STK39: variants seen among roughly 807,000 people sequenced by gnomAD.
The protein encoded by STK39 is STE20/SPS1-related proline-alanine-rich protein kinase.
Under a neutral mutation model 77.8 loss-of-function variants are expected in STK39, and 20 were observed. That is an observed-to-expected ratio of 0.26 (90% CI 0.18 to 0.37). The LOEUF (loss-of-function observed/expected upper bound fraction) is 0.37, where lower values mean the gene tolerates loss of function less well. Among genes scored for constraint, STK39 ranks in the 10% least tolerant of loss-of-function variants. The pLI is 1.00. For synonymous variants in STK39, 246 were observed against 234.1 expected (o/e 1.05, Z -0.47); for missense variants, 479 against 656.5 (o/e 0.73, Z 2.95).
At chr2:167,994,329 C>A (rs61517025) in intron 16 of STK39, among the ~76,000 whole-genome samples, 3 of 151,500 alleles carry the variant, frequency 2.0e-5, no homozygotes, top group Admixed American at 6.6e-5. Context: ...ATGTAGTTAC[C>A]AGTGAAAAAG....
intron 10 of STK39, among the ~76,000 whole-genome samples, chr2:168,090,951 C>T (rs1441729788): frequency 5.9e-5 from 9 of 152,120 alleles, no homozygotes. Flanking sequence ...AATGACAGAG[C>T]TGATGATCAA....
intron 14 of STK39, among the ~76,000 whole-genome samples, chr2:168,053,995 G>A (rs1290531580): frequency 6.6e-6 from 1 of 152,182 alleles, no homozygotes; most frequent in Middle Eastern, 3.2e-3. Flanking sequence ...GACAGTGCTT[G>A]AAAAATTATT....
intron 1 of STK39, chr2:168,232,001 GC>G (rs1690468340): frequency 4.1e-6 from 1 of 241,018 alleles, no homozygotes; most frequent in Non-Finnish European, 9.3e-6. Flanking sequence ...ATCTTTGGCA[GC>G]CATCTCTATT....
In STK39 at chr2:168,129,549, C is replaced by G. The variant is rs1426461901; in HGVS notation, c.1081G>C (p.Ala361Pro). The G allele has an allele frequency of 6.2e-7, 1 of 1,613,990 alleles. No homozygotes were observed. The highest frequency in any genetic ancestry group is 8.5e-7 in the Non-Finnish European group (1 of 1,179,932). The change falls in exon 10 of 18, where the codon GCC becomes CCC. Residue 361 changes from alanine to proline, a missense_variant. By Grantham distance (27) the Ala-to-Pro change is conservative (BLOSUM62 -1). Around this residue, in one of 3 missense-constraint regions of STK39, gnomAD observed 244 missense variants for 296.8 expected, o/e 0.82. Transcript: ENST00000355999. ...AGGCTAATGGCACTTACCTTTTTGG[C>G]TCTTTGGGCTATGTCTGGTGTTCTT... is the stretch of plus-strand genomic sequence containing the variant. ...LTRTPDIAQR[A>P]KKVRRVPGSS...
rs972115972 is a variant in STK39, at chr2:168,106,041, C to A, written c.1089+23500G>T. Among the ~76,000 whole-genome samples the A allele has an allele frequency of 8.3e-4, 127 of 152,328 alleles. 1 individual carries two copies. The highest frequency in any genetic ancestry group is 2.9e-3 in the African/African-American group (120 of 41,566). On this transcript the variant is annotated intron_variant, in intron 10 of 17. Transcript: ENST00000355999. ...GCAGTGGCGCAATCTCAGCTCACTG[C>A]AAACTCCGCCTCCCAGATGCAAATG...
intron 10 of STK39, among the ~76,000 whole-genome samples, chr2:168,093,350 C>T (rs1373363348): frequency 1.3e-5 from 2 of 152,204 alleles, no homozygotes; most frequent in Non-Finnish European, 2.9e-5. Context: ...GGAGGCCTCA[C>T]AATCATGGCA....
chr2:167,995,383 C>A (rs1320770863), intron 16 of STK39, among the ~76,000 whole-genome samples: 1 of 152,192 alleles, frequency 6.6e-6, no homozygotes, highest in Non-Finnish European at 1.5e-5. Flanking sequence ...GCTGGGATTA[C>A]AGGCGTGAGC....
intron 1 of STK39, among the ~76,000 whole-genome samples, chr2:168,210,458 C>T (rs564150822): frequency 1.3e-5 from 2 of 152,270 alleles, no homozygotes; most frequent in South Asian, 4.1e-4. Context: ...GTTACTGGAT[C>T]ATACAAGCTG....
chr2:168,091,705 T>C (rs1228401969), intron 10 of STK39, among the ~76,000 whole-genome samples: 7 of 152,154 alleles, frequency 4.6e-5, no homozygotes, highest in Non-Finnish European at 1.0e-4. Context: ...TTAATGAAAA[T>C]GTTCATAAAT....
chr2:168,239,463 G>A (rs1484566322), intron 1 of STK39, among the ~76,000 whole-genome samples: 1 of 152,212 alleles, frequency 6.6e-6, no homozygotes, highest in Non-Finnish European at 1.5e-5. Context: ...AACACAGGCA[G>A]GTGGACGCAC....
At chr2:168,240,379 T>C (rs1307313692) in intron 1 of STK39, among the ~76,000 whole-genome samples, 2 of 152,222 alleles carry the variant, frequency 1.3e-5, no homozygotes, top group East Asian at 1.9e-4. Context: ...CAATGCACAC[T>C]ACAGCCAGAA....
chr2:167,994,078 C>T lies in STK39; in HGVS notation c.1498+18556G>A, dbSNP rs1380517314. Among the ~76,000 whole-genome samples, 6 of 152,138 alleles carry T rather than the reference C, an allele frequency of 3.9e-5. No individual in the cohort carries two copies. In the South Asian group the frequency reaches 1.0e-3, roughly 26 times the overall value. On this transcript the variant is annotated intron_variant, in intron 16 of 17. Coordinates refer to ENST00000355999, the MANE Select transcript of STK39 (RefSeq NM_013233.3). ...ATTCTGGAATACAGTCTTATACCAA[C>T]CAGTGAACAGTTTAAGTAATGTAAA...
chr2:168,164,557 C>T (rs1457162584), intron 3 of STK39, among the ~76,000 whole-genome samples: 1 of 152,154 alleles, frequency 6.6e-6, no homozygotes, highest in Non-Finnish European at 1.5e-5. Context: ...CAAGTACGTG[C>T]CACCACGCCT....
intron 10 of STK39, among the ~76,000 whole-genome samples, chr2:168,125,764 T>C (rs553772031): frequency 6.6e-6 from 1 of 152,346 alleles, no homozygotes; most frequent in East Asian, 1.9e-4. Flanking sequence ...GCCATGTCGA[T>C]CTTTTTCCAT....
At chr2:168,231,061 T>A (rs1347107699) in intron 1 of STK39, among the ~76,000 whole-genome samples, 4 of 152,124 alleles carry the variant, frequency 2.6e-5, no homozygotes, top group African/African-American at 9.7e-5. Context: ...CACTGTAATC[T>A]CCAACCAAGT....
At chr2:168,213,028 G>A (rs1409483850) in intron 1 of STK39, among the ~76,000 whole-genome samples, 1 of 152,176 alleles carries the variant, frequency 6.6e-6, no homozygotes, top group African/African-American at 2.4e-5. Flanking sequence ...TCATCCTGTT[G>A]GATGTGTCTC....
At chr2:167,973,109 T>G (rs1447880334) in intron 16 of STK39, among the ~76,000 whole-genome samples, 1 of 152,222 alleles carries the variant, frequency 6.6e-6, no homozygotes, top group Non-Finnish European at 1.5e-5. Context: ...AAAAGAGCTC[T>G]AATTAATTGG....
In STK39 at chr2:168,247,447, G is replaced by A. The variant is rs1196263989; in HGVS notation, c.-12C>T. 3 of 1,303,742 alleles carry A rather than the reference G, an allele frequency of 2.3e-6. No individual in the cohort carries two copies. Among genetic ancestry groups the A allele is most frequent in the Non-Finnish European group, 3.0e-6 (3 of 1,013,730 alleles). The allele number at this position is 1,303,742 out of a possible 1,614,324, so 80.8% of individuals were successfully genotyped here. On this transcript the variant is annotated 5_prime_UTR_variant, in exon 1 of 18. Transcript: ENST00000355999. ...CTCGGCTCCGCCATGATGCTGCGGAGGAGAGCAGGAGGACGCGCCGGCCGA... is the reference window on the plus strand; with the variant it reads ...CTCGGCTCCGCCATGATGCTGCGGAAGAGAGCAGGAGGACGCGCCGGCCGA...
At chr2:168,183,044 G>C (rs1390559743) in intron 1 of STK39, among the ~76,000 whole-genome samples, 2 of 152,132 alleles carry the variant, frequency 1.3e-5, no homozygotes, top group Non-Finnish European at 2.9e-5. Context: ...GAAAGCAGGG[G>C]AGTATTTGGC....
Sources: allele counts gnomAD v4.1 joint callset (sites outside exome capture counted in the v4.1 genomes callset), GRCh38; gene constraint gnomAD v4.1.1; regional missense constraint gnomAD v4.1.1; transcripts MANE v1.5; gene names NCBI Gene and HGNC (gene_info 2026-07-23, HGNC 2026-07-21).